Variants in UBE2H observed in about 807,000 individuals in gnomAD.
The protein encoded by UBE2H is ubiquitin-conjugating enzyme E2 H.
UBE2H carries 3 observed loss-of-function variants against 29.0 expected under a neutral mutation model. The ratio of observed to expected loss-of-function variants is 0.10; its 90% CI spans 0.05 to 0.27. The LOEUF is 0.27. Among genes scored for constraint, UBE2H ranks in the 10% least tolerant of loss-of-function variants. The pLI is 1.00. For missense variants in UBE2H, 68 were observed against 228.2 expected, an observed-to-expected ratio of 0.30 and a Z score of 4.52; for synonymous variants, 69 against 82.9, an observed-to-expected ratio of 0.83 and a Z score of 0.91.
intron 1 of UBE2H, among the ~76,000 whole-genome samples, chr7:129,906,927 T>A (rs1365939740): frequency 6.6e-6 from 1 of 152,188 alleles, no homozygotes; most frequent in East Asian, 1.9e-4. Flanking sequence ...AGATAAAATC[T>A]CCAATGTGCA....
intron 5 of UBE2H, among the ~76,000 whole-genome samples, chr7:129,846,900 T>G (rs138374961): frequency 2.4e-4 from 37 of 152,294 alleles, no homozygotes; most frequent in Middle Eastern, 3.4e-3. Context: ...AACAAAAAAC[T>G]TATCGGGAAA....
In UBE2H at chr7:129,880,879, C is replaced by G. The variant is rs1806239779; in HGVS notation, c.130+16G>C. Reference sequence around the variant, plus strand: ...AAGACTGTAATAGAAGAACACATACCAACACATGTACTTACTTCCTTGTGG... The same window carrying G: ...AAGACTGTAATAGAAGAACACATACGAACACATGTACTTACTTCCTTGTGG... On this transcript the variant is annotated intron_variant, in intron 2 of 6. Coordinates refer to ENST00000355621, the MANE Select transcript of UBE2H (RefSeq NM_003344.4). The G allele has an allele frequency of 1.2e-6, 2 of 1,602,096 alleles. No homozygotes were observed.
At chr7:129,871,820 C>G (rs1806041288) in intron 3 of UBE2H, among the ~76,000 whole-genome samples, 1 of 152,014 alleles carries the variant, frequency 6.6e-6, no homozygotes, top group Admixed American at 6.6e-5. Context: ...CACAGGTGAT[C>G]TGAATGGAAT....
intron 3 of UBE2H, among the ~76,000 whole-genome samples, chr7:129,865,974 G>A (rs1203618277): frequency 1.3e-5 from 2 of 152,142 alleles, no homozygotes; most frequent in Non-Finnish European, 1.5e-5. Flanking sequence ...CTCCACTAGT[G>A]ACAGACATTG....
intron 1 of UBE2H, among the ~76,000 whole-genome samples, chr7:129,947,021 G>T (rs151044532): frequency 7.5e-4 from 111 of 148,216 alleles, no homozygotes; most frequent in African/African-American, 2.4e-3. Context: ...CAGGTCAAGG[G>T]GCTAAGAAAA....
chr7:129,866,203 C>A (rs1029820212), intron 3 of UBE2H, among the ~76,000 whole-genome samples: 18 of 152,074 alleles, frequency 1.2e-4, no homozygotes, highest in Non-Finnish European at 2.9e-5. Flanking sequence ...CTGAACTGAT[C>A]CTGTGTGTGT....
At chr7:129,928,025 TAAAAAAAAAAA>T (rs71175049) in intron 1 of UBE2H, among the ~76,000 whole-genome samples, 1 of 128,550 alleles carries the variant, frequency 7.8e-6, no homozygotes, top group Admixed American at 8.0e-5. Flanking sequence ...ATCTCAAAAT[TAAAAAAAAAAA>T]AAAAAAAAAA....
chr7:129,912,810 G>A (rs1360379750), intron 1 of UBE2H, among the ~76,000 whole-genome samples: 1 of 152,102 alleles, frequency 6.6e-6, no homozygotes, highest in Non-Finnish European at 1.5e-5. Flanking sequence ...TTCCATTTGA[G>A]AAATGAAATG....
At chr7:129,930,139 A>G (rs922027334) in intron 1 of UBE2H, among the ~76,000 whole-genome samples, 3 of 151,968 alleles carry the variant, frequency 2.0e-5, no homozygotes, top group African/African-American at 7.3e-5. Flanking sequence ...GCTCTCAAAC[A>G]CTCTGGTCTC....
intron 1 of UBE2H, among the ~76,000 whole-genome samples, chr7:129,939,877 T>G (rs1043785565): frequency 4.0e-5 from 6 of 151,830 alleles, no homozygotes; most frequent in African/African-American, 1.5e-4. Context: ...GAGAATCGCT[T>G]GAACCTGAGA....
intron 1 of UBE2H, among the ~76,000 whole-genome samples, chr7:129,934,187 T>C (rs1223501770): frequency 6.6e-6 from 1 of 152,044 alleles, no homozygotes; most frequent in Non-Finnish European, 1.5e-5. Flanking sequence ...CCGGGCATTA[T>C]AGCACACGAC....
intron 1 of UBE2H, among the ~76,000 whole-genome samples, chr7:129,910,328 CAA>C (rs369819323): frequency 0.068 from 9,428 of 138,678 alleles, 359 homozygotes; most frequent in Non-Finnish European, 0.097. Flanking sequence ...GACTCTATCT[CAA>C]AAAAAAAACA....
intron 1 of UBE2H, among the ~76,000 whole-genome samples, chr7:129,949,375 G>A (rs929016101): frequency 2.6e-5 from 4 of 152,170 alleles, no homozygotes; most frequent in Non-Finnish European, 5.9e-5. Flanking sequence ...CAAACAAATG[G>A]CCGCACTATT....
intron 1 of UBE2H, among the ~76,000 whole-genome samples, chr7:129,941,291 C>A (rs1047859260): frequency 2.0e-5 from 3 of 151,894 alleles, no homozygotes; most frequent in Non-Finnish European, 4.4e-5. Flanking sequence ...AAGCAATGCC[C>A]GGCTAATTTT....
intron 1 of UBE2H, among the ~76,000 whole-genome samples, chr7:129,910,538 C>T (rs1806911462): frequency 6.6e-6 from 1 of 152,054 alleles, no homozygotes; most frequent in African/African-American, 2.4e-5. Flanking sequence ...CAAGGTTAGG[C>T]TTTAAACCAT....
intron 1 of UBE2H, among the ~76,000 whole-genome samples, chr7:129,944,158 C>T (rs1280187351): frequency 1.3e-5 from 2 of 150,860 alleles, no homozygotes; most frequent in East Asian, 4.0e-4. Flanking sequence ...AGATCAAGAC[C>T]ATCCTCGCTA....
chr7:129,943,675 C>A (rs988145509), intron 1 of UBE2H, among the ~76,000 whole-genome samples: 2 of 152,082 alleles, frequency 1.3e-5, no homozygotes, highest in Admixed American at 6.6e-5. Context: ...CAGAGGCAGG[C>A]GGATCACCTG....
intron 3 of UBE2H, among the ~76,000 whole-genome samples, chr7:129,860,937 T>A (rs1046597052): frequency 6.6e-6 from 1 of 152,128 alleles, no homozygotes; most frequent in Non-Finnish European, 1.5e-5. Context: ...AATGACTTTA[T>A]CTGGCCAGGC....
In UBE2H at chr7:129,896,336, C is replaced by CA. The variant is rs879287197; in HGVS notation, c.54-15366dup. ...TGGGTAACAGAGTGAGACTCCGTCTCAAAAAAAAAACAAAATCTTTAAGAA... is the reference window on the plus strand; with the variant it reads ...TGGGTAACAGAGTGAGACTCCGTCTCAAAAAAAAAAACAAAATCTTTAAGAA... On this transcript the variant is annotated intron_variant, in intron 1 of 6. Coordinates refer to ENST00000355621, the MANE Select transcript of UBE2H (RefSeq NM_003344.4). Among the ~76,000 whole-genome samples, 817 of 140,154 alleles carry CA rather than the reference C, an allele frequency of 5.8e-3. 5 individuals are homozygous for CA. The highest frequency in any genetic ancestry group is 0.011 in the African/African-American group (415 of 38,172). 91.9% of individuals were successfully genotyped at this position (140,154 alleles called of 152,430 possible). A position where few individuals can be genotyped will look rare whatever the true frequency, so the allele number is the denominator to read the frequency against.
Sources: allele counts gnomAD v4.1 joint callset (sites outside exome capture counted in the v4.1 genomes callset), GRCh38; gene constraint gnomAD v4.1.1; transcripts MANE v1.5; gene names NCBI Gene and HGNC (gene_info 2026-07-23, HGNC 2026-07-21).